The following PLCXD3 variants were observed in gnomAD, a reference collection of about 807,000 sequenced individuals.
The protein encoded by PLCXD3 is PI-PLC X domain-containing protein 3.
A neutral mutation model predicts 25.5 loss-of-function variants in PLCXD3; 19 were observed. That is an observed-to-expected ratio of 0.75 (90% confidence interval 0.52 to 1.09). The LOEUF is 1.09. PLCXD3 is among the 50% of genes least tolerant of loss of function. PLCXD3 has a pLI of 0.00. For synonymous variants in PLCXD3, 174 were observed against 137.6 expected (o/e 1.26, Z -1.85); for missense variants, 411 against 388.1 (o/e 1.06, Z -0.50).
chr5:41,409,604 T>A (rs1019894126), intron 1 of PLCXD3, among the ~76,000 whole-genome samples: 3 of 152,206 alleles, frequency 2.0e-5, no homozygotes, highest in Admixed American at 6.5e-5. Flanking sequence ...TCAAGTTTCA[T>A]TTTATTTAGT....
At chr5:41,393,042 C>A (rs1240804319) in intron 1 of PLCXD3, among the ~76,000 whole-genome samples, 2 of 152,050 alleles carry the variant, frequency 1.3e-5, no homozygotes, top group African/African-American at 2.4e-5. Flanking sequence ...AGAATAAAAA[C>A]AATGAAGCAC....
At chr5:41,441,569 C>G (rs1194559588) in intron 1 of PLCXD3, among the ~76,000 whole-genome samples, 2 of 152,122 alleles carry the variant, frequency 1.3e-5, no homozygotes, top group East Asian at 3.9e-4. Context: ...AGAGACTGCT[C>G]CAGAACATCT....
intron 1 of PLCXD3, among the ~76,000 whole-genome samples, chr5:41,500,671 GT>G (rs1378319896): frequency 6.6e-6 from 1 of 151,696 alleles, no homozygotes; most frequent in Admixed American, 6.6e-5. Flanking sequence ...TTGGCAATGA[GT>G]TTTTGGATAT....
chr5:41,353,093 C>CTT (rs869052057), intron 2 of PLCXD3, among the ~76,000 whole-genome samples: 120 of 136,516 alleles, frequency 8.8e-4, no homozygotes, highest in Admixed American at 2.9e-3. Flanking sequence ...GCACACTCAG[C>CTT]TTTTTTTTTT....
rs115157380 is a variant in PLCXD3, at chr5:41,393,109, G to A, written c.104-10575C>T. On this transcript the variant is annotated intron_variant, in intron 1 of 2. Coordinates refer to ENST00000377801, the MANE Select transcript of PLCXD3 (RefSeq NM_001005473.3). ...GGCAAATCTAAGATTTGTTGACCTT[G>A]AAGAGAAAGTGGAAAAAGTCATAGG... 9.4e-3 allele frequency among the ~76,000 whole-genome samples: 1,429 copies of A among 152,256 alleles called. 22 individuals carry two copies. The highest frequency in any genetic ancestry group is 0.012 in the Non-Finnish European group (820 of 68,014).
chr5:41,386,986 T>C (rs1260014245), intron 1 of PLCXD3, among the ~76,000 whole-genome samples: 1 of 152,024 alleles, frequency 6.6e-6, no homozygotes, highest in Non-Finnish European at 1.5e-5. Context: ...TTAAGTTTAG[T>C]ATATGAGCCT....
At chr5:41,470,183 T>TA (rs1428188955) in intron 1 of PLCXD3, among the ~76,000 whole-genome samples, 14 of 152,120 alleles carry the variant, frequency 9.2e-5, no homozygotes, top group Non-Finnish European at 1.9e-4. Context: ...GGGTGGCAGT[T>TA]AAAAAACCAT....
chr5:41,459,193 A>C lies in PLCXD3; in HGVS notation c.103+51231T>G, dbSNP rs537029881. Among the ~76,000 whole-genome samples the C allele has an allele frequency of 2.6e-5, 4 of 152,032 alleles. No individual in the cohort carries two copies. In the East Asian group the frequency reaches 7.8e-4, roughly 30 times the overall value. On this transcript the variant is annotated intron_variant, in intron 1 of 2. Coordinates refer to ENST00000377801, the MANE Select transcript of PLCXD3 (RefSeq NM_001005473.3). ...TTAAGGTTTGAGAAGACAAATGACAAACATATTTTTAGACATTTTCATGTT... is the reference window on the plus strand; with the variant it reads ...TTAAGGTTTGAGAAGACAAATGACACACATATTTTTAGACATTTTCATGTT...
At chr5:41,475,614 A>T (rs1255062160) in intron 1 of PLCXD3, 2 of 534,540 alleles carry the variant, frequency 3.7e-6, no homozygotes, top group Non-Finnish European at 7.7e-6. Flanking sequence ...AGGTCTCTTC[A>T]GGTCTCTGTT....
intron 2 of PLCXD3, among the ~76,000 whole-genome samples, chr5:41,343,299 C>A (rs995998410): frequency 8.6e-5 from 13 of 151,998 alleles, no homozygotes; most frequent in Admixed American, 2.0e-4. Flanking sequence ...AGTGGAATAA[C>A]CTTTGTATGC....
chr5:41,310,147 T>A lies in PLCXD3; in HGVS notation c.*3470A>T, dbSNP rs772341562. Reference sequence around the variant, plus strand: ...TGGCTGAAAGTCAATATTGAGGTCATCATATAGAATATCCTAAGGCTTTTA... The same window carrying A: ...TGGCTGAAAGTCAATATTGAGGTCAACATATAGAATATCCTAAGGCTTTTA... On this transcript the variant is annotated 3_prime_UTR_variant, in exon 3 of 3. Coordinates refer to ENST00000377801, the MANE Select transcript of PLCXD3 (RefSeq NM_001005473.3). 3 of 152,180 alleles carry A rather than the reference T, an allele frequency of 2.0e-5. No individual in the cohort carries two copies. The highest frequency in any genetic ancestry group is 2.1e-4 in the South Asian group (1 of 4,832). 9.4% of individuals were successfully genotyped at this position (152,180 alleles called of 1,614,324 possible).
At chr5:41,431,979 G>A (rs73079717) in intron 1 of PLCXD3, among the ~76,000 whole-genome samples, 1 of 152,128 alleles carries the variant, frequency 6.6e-6, no homozygotes, top group South Asian at 2.1e-4. Context: ...TGAGCAAGAG[G>A]ACCACGCAGG....
intron 1 of PLCXD3, among the ~76,000 whole-genome samples, chr5:41,402,280 T>C (rs576486242): frequency 5.3e-5 from 8 of 151,962 alleles, no homozygotes; most frequent in East Asian, 1.9e-4. Context: ...TACAGTGTTA[T>C]ATTTTCATTT....
At chr5:41,364,514 C>G (rs548169900) in intron 2 of PLCXD3, among the ~76,000 whole-genome samples, 7 of 152,302 alleles carry the variant, frequency 4.6e-5, no homozygotes, top group African/African-American at 1.7e-4. Flanking sequence ...GGTTTGGCAT[C>G]TTAAAAGCCT....
intron 2 of PLCXD3, among the ~76,000 whole-genome samples, chr5:41,370,709 G>T (rs1254571971): frequency 1.3e-5 from 2 of 151,994 alleles, no homozygotes; most frequent in Non-Finnish European, 1.5e-5. Context: ...CATCTGGATC[G>T]CAAGCCCTCA....
intron 2 of PLCXD3, among the ~76,000 whole-genome samples, chr5:41,333,124 AAAACAAAC>A (rs528236304): frequency 6.6e-5 from 10 of 151,802 alleles, no homozygotes; most frequent in South Asian, 2.1e-4. Context: ...ATAAAAGACA[AAAACAAAC>A]AAACAAACAA....
At chr5:41,456,123 CAATTTTA>C (rs780581066) in intron 1 of PLCXD3, among the ~76,000 whole-genome samples, 1 of 151,834 alleles carries the variant, frequency 6.6e-6, no homozygotes, top group Non-Finnish European at 1.5e-5. Flanking sequence ...GAGAGCGGTT[CAATTTTA>C]AATGAGATAG....
chr5:41,350,222 C>T (rs969845501), intron 2 of PLCXD3, among the ~76,000 whole-genome samples: 3 of 152,106 alleles, frequency 2.0e-5, no homozygotes, highest in Non-Finnish European at 4.4e-5. Flanking sequence ...AAATTCCGTC[C>T]TCTGTTTTCT....
rs188551462 is a variant in PLCXD3 at position 41,397,727 on chromosome 5, G to A, written c.104-15193C>T. Among the ~76,000 whole-genome samples the A allele has an allele frequency of 2.0e-3, 305 of 152,294 alleles. 2 individuals are homozygous for A. Among genetic ancestry groups the A allele is most frequent in the Non-Finnish European group, 2.4e-3 (164 of 68,018 alleles). ...CCAGCTTGTGAAAGCAGCCATGGGG[G>A]CTGTACTCTGCAGAGTCACAGATGT... On this transcript the variant is annotated intron_variant, in intron 1 of 2. Coordinates refer to ENST00000377801, the MANE Select transcript of PLCXD3 (RefSeq NM_001005473.3).
Sources: gnomAD v4.1 joint callset for allele counts (sites outside exome capture counted in the v4.1 genomes callset) on GRCh38, gnomAD v4.1.1 for gene constraint, MANE v1.5 for transcripts, NCBI Gene and HGNC (gene_info 2026-07-23, HGNC 2026-07-21) for gene names.